The following LRBA variants were observed in gnomAD, a reference collection of about 807,000 sequenced individuals.
LRBA encodes lipopolysaccharide-responsive and beige-like anchor protein.
Under a neutral mutation model 330.0 loss-of-function variants are expected in LRBA, and 176 were observed. The observed-to-expected ratio is 0.53, with a 90% CI of 0.47 to 0.60. The LOEUF (loss-of-function observed/expected upper bound fraction) is 0.60. Among genes scored for constraint, LRBA ranks in the 20% least tolerant of loss-of-function variants. The probability of loss-of-function intolerance (pLI) is 0.00; values close to 1 mark genes in which losing one functional copy is unlikely to be tolerated. For synonymous variants in LRBA, 1,230 were observed against 1,193.0 expected (o/e 1.03, Z -0.64); for missense variants, 3,259 against 3,444.8 (o/e 0.95, Z 1.35).
chr4:150,291,734 A>G (rs1400001952), intron 53 of LRBA, among the ~76,000 whole-genome samples: 1 of 145,952 alleles, frequency 6.9e-6, no homozygotes, highest in Non-Finnish European at 1.5e-5. Flanking sequence ...TATATACCCA[A>G]AGGACTATAA....
intron 53 of LRBA, among the ~76,000 whole-genome samples, chr4:150,294,911 A>G (rs1188047708): frequency 1.3e-5 from 2 of 152,106 alleles, no homozygotes; most frequent in African/African-American, 4.8e-5. Context: ...AGATCCCACC[A>G]CTGCACTCCA....
At chr4:151,008,324 A>ACCTG (rs1744362525) in intron 2 of LRBA, among the ~76,000 whole-genome samples, 1 of 151,864 alleles carries the variant, frequency 6.6e-6, no homozygotes, top group African/African-American at 2.4e-5. Context: ...CAGGTGATCC[A>ACCTG]CCTGCCTCAG....
intron 2 of LRBA, among the ~76,000 whole-genome samples, chr4:150,966,557 A>G (rs912767311): frequency 4.0e-5 from 6 of 150,538 alleles, no homozygotes; most frequent in African/African-American, 1.5e-4. Context: ...TGATCTCCCA[A>G]CCTCGTGATC....
chr4:150,707,429 T>A (rs1417705576), intron 36 of LRBA, among the ~76,000 whole-genome samples: 1 of 151,300 alleles, frequency 6.6e-6, no homozygotes, highest in Non-Finnish European at 1.5e-5. Context: ...AATAAAAGAT[T>A]CATGAGAAAT....
intron 44 of LRBA, among the ~76,000 whole-genome samples, chr4:150,448,917 C>A (rs111746358): frequency 6.6e-6 from 1 of 150,786 alleles, no homozygotes; most frequent in African/African-American, 2.4e-5. Flanking sequence ...TAGAAACACA[C>A]GGGAGTTTGC....
In LRBA at chr4:150,844,642, T is replaced by C; in HGVS notation, c.4461+16A>G. The stretch of plus-strand genomic sequence containing the variant: ...AGGAGTATGCTTTTTGAAAATTAAT[T>C]AATCTGTATACTTACCTTCGCTGCA... On this transcript the variant is annotated intron_variant, in intron 27 of 56. Coordinates refer to ENST00000651943, the MANE Select transcript of LRBA (RefSeq NM_001364905.1). 1.3e-6 allele frequency: 2 copies of C among 1,583,798 alleles called. No homozygotes were observed. The highest frequency in any genetic ancestry group is 1.7e-6 in the Non-Finnish European group (2 of 1,169,142).
In LRBA at chr4:150,449,252, G is replaced by C. The variant is rs572878370; in HGVS notation, c.6781-12388C>G. Among the ~76,000 whole-genome samples the C allele has an allele frequency of 3.7e-4, 56 of 152,188 alleles. 1 individual carries two copies. The South Asian group carries it at 0.011, about 29-fold the overall frequency. On this transcript the variant is annotated intron_variant, in intron 44 of 56. Transcript: ENST00000651943. ...ACCCAGGCAAAGATCCACTGCTTCTGGGGTAGGGTAAAAGCAAAAGCCCTT... is the reference window on the plus strand; with the variant it reads ...ACCCAGGCAAAGATCCACTGCTTCTCGGGTAGGGTAAAAGCAAAAGCCCTT...
At chr4:150,668,446 A>C (rs965789592) in intron 37 of LRBA, among the ~76,000 whole-genome samples, 2 of 152,216 alleles carry the variant, frequency 1.3e-5, no homozygotes, top group Non-Finnish European at 2.9e-5. Context: ...AGTGTGTAAA[A>C]AGCAATTCAC....
intron 34 of LRBA, among the ~76,000 whole-genome samples, chr4:150,785,216 C>T (rs930150768): frequency 2.0e-5 from 3 of 151,794 alleles, no homozygotes; most frequent in East Asian, 1.9e-4. Flanking sequence ...TGAGTTAGTT[C>T]GGGGCGGGGG....
intron 44 of LRBA, among the ~76,000 whole-genome samples, chr4:150,437,067 G>A (rs1384665194): frequency 3.9e-5 from 6 of 152,060 alleles, no homozygotes; most frequent in Admixed American, 6.6e-5. Context: ...GTAAGTGAAT[G>A]GATGAACCCA....
At chr4:150,890,467 C>A (rs528945232) in intron 17 of LRBA, among the ~76,000 whole-genome samples, 1 of 151,760 alleles carries the variant, frequency 6.6e-6, no homozygotes, top group South Asian at 2.1e-4. Context: ...TATAGTATGA[C>A]ACACTAGGAT....
At chr4:150,957,524 T>C (rs1260097986) in intron 2 of LRBA, among the ~76,000 whole-genome samples, 2 of 148,272 alleles carry the variant, frequency 1.3e-5, no homozygotes, top group Non-Finnish European at 2.9e-5. Context: ...AGCCAAACCA[T>C]ATCATTCTGC....
At chr4:150,277,365 AC>A (rs1349674672) in intron 56 of LRBA, among the ~76,000 whole-genome samples, 1 of 152,256 alleles carries the variant, frequency 6.6e-6, no homozygotes, top group African/African-American at 2.4e-5. Context: ...GCACATGTAT[AC>A]CTATGTAACA....
intron 48 of LRBA, among the ~76,000 whole-genome samples, chr4:150,335,367 C>T (rs1331426383): frequency 6.7e-6 from 1 of 149,842 alleles, no homozygotes; most frequent in Non-Finnish European, 1.5e-5. Flanking sequence ...AGAGTATGAC[C>T]TTATTTCAGC....
chr4:150,330,573 T>C (rs762508109), intron 48 of LRBA, among the ~76,000 whole-genome samples: 7 of 152,102 alleles, frequency 4.6e-5, no homozygotes, highest in African/African-American at 1.2e-4. Flanking sequence ...TAGATTCTCA[T>C]AGGGAGCGTG....
intron 36 of LRBA, among the ~76,000 whole-genome samples, chr4:150,711,392 C>T (rs1181222940): frequency 1.3e-5 from 2 of 152,006 alleles, no homozygotes; most frequent in Non-Finnish European, 2.9e-5. Context: ...TGCACCACCA[C>T]ACCCAGCTAA....
intron 37 of LRBA, among the ~76,000 whole-genome samples, chr4:150,634,200 C>A (rs1171120829): frequency 6.6e-6 from 1 of 152,140 alleles, no homozygotes; most frequent in African/African-American, 2.4e-5. Flanking sequence ...AGATAACTTA[C>A]CAGAGCTCTT....
intron 17 of LRBA, among the ~76,000 whole-genome samples, chr4:150,878,956 G>A: frequency 6.6e-6 from 1 of 151,498 alleles, no homozygotes. Context: ...AGAAGAGGTG[G>A]TAGCAATCCT....
intron 2 of LRBA, among the ~76,000 whole-genome samples, chr4:150,998,074 G>C (rs1191316292): frequency 6.6e-6 from 1 of 150,898 alleles, no homozygotes; most frequent in East Asian, 1.9e-4. Flanking sequence ...GGTCTCGGCC[G>C]GGCACGGTGG....
Sources: gnomAD v4.1 joint callset for allele counts (sites outside exome capture counted in the v4.1 genomes callset) on GRCh38, gnomAD v4.1.1 for gene constraint, MANE v1.5 for transcripts, NCBI Gene and HGNC (gene_info 2026-07-23, HGNC 2026-07-21) for gene names.